NTRK3: variants seen among roughly 807,000 people sequenced by gnomAD.
The protein encoded by NTRK3 is neurotrophic receptor tyrosine kinase 3.
NTRK3 carries 24 observed loss-of-function variants against 91.7 expected under a neutral mutation model. The observed-to-expected ratio is 0.26, with a 90% CI of 0.19 to 0.37. The LOEUF is 0.37. Among genes scored for constraint, NTRK3 ranks in the 10% least tolerant of loss-of-function variants. The probability of loss-of-function intolerance (pLI) is 1.00; values close to 1 mark genes in which losing one functional copy is unlikely to be tolerated. For missense variants in NTRK3, 880 were observed against 1,068.9 expected (o/e 0.82, Z 2.46); for synonymous variants, 483 against 404.0 (o/e 1.20, Z -2.34).
In NTRK3 at chr15:88,033,210, A is replaced by ATATATATATATG. The variant is rs1301860999; in HGVS notation, c.1397-166_1397-165insCATATATATATA. Among the ~76,000 whole-genome samples the ATATATATATATG allele has an allele frequency of 7.3e-4, 88 of 121,294 alleles. 1 individual carries two copies. Among genetic ancestry groups the ATATATATATATG allele is most frequent in the African/African-American group, 2.8e-3 (81 of 28,588 alleles). The allele number at this position is 121,294 out of a possible 152,430, so 79.6% of individuals were successfully genotyped here. ...TATATATATATATATATATATATATATATATAAATTCAGTTGTTTGGGTTT... is the reference window on the plus strand; with the variant it reads ...TATATATATATATATATATATATATATATATATATATGTATATAAATTCAGTTGTTTGGGTTT... On this transcript the variant is annotated intron_variant, in intron 13 of 18. Coordinates refer to ENST00000394480, the Ensembl canonical transcript of NTRK3.
At chr15:87,963,558 G>C (rs1028420659) in intron 14 of NTRK3, among the ~76,000 whole-genome samples, 1 of 152,190 alleles carries the variant, frequency 6.6e-6, no homozygotes, top group African/African-American at 2.4e-5. Flanking sequence ...AATTACATGA[G>C]ATATTCAGTA....
intron 13 of NTRK3, among the ~76,000 whole-genome samples, chr15:88,056,673 G>A (rs990635869): frequency 1.3e-5 from 2 of 152,232 alleles, no homozygotes; most frequent in Non-Finnish European, 2.9e-5. Context: ...GCCTTAGCAT[G>A]GTTCCGCATG....
intron 13 of NTRK3, among the ~76,000 whole-genome samples, chr15:88,044,553 G>A (rs1038593866): frequency 1.2e-4 from 18 of 151,038 alleles, no homozygotes; most frequent in South Asian, 8.4e-4. Context: ...GAGCCACCAC[G>A]CCTGGCCCAC....
At chr15:87,969,786 G>A (rs1404742072) in intron 14 of NTRK3, among the ~76,000 whole-genome samples, 1 of 152,128 alleles carries the variant, frequency 6.6e-6, no homozygotes, top group African/African-American at 2.4e-5. Context: ...AGGCAGAGCT[G>A]CCTTCTTGAG....
chr15:88,250,337 T>C (rs557844518), intron 3 of NTRK3, among the ~76,000 whole-genome samples: 2 of 152,364 alleles, frequency 1.3e-5, no homozygotes, highest in South Asian at 4.1e-4. Context: ...TATTTTGTTT[T>C]CTTGATCTGT....
chr15:88,110,751 G>A (rs1179617925), intron 13 of NTRK3, among the ~76,000 whole-genome samples: 6 of 152,160 alleles, frequency 3.9e-5, no homozygotes, highest in Admixed American at 6.5e-5. Context: ...CCTATAGCTC[G>A]GTGAGACTGG....
rs76739299 is a variant in NTRK3 at position 87,918,679 on chromosome 15, G to A, written c.2133+10512C>T. 5.5e-3 allele frequency among the ~76,000 whole-genome samples: 845 copies of A among 152,262 alleles called. 9 individuals carry two copies. Among genetic ancestry groups the A allele is most frequent in the African/African-American group, 0.02 (815 of 41,548 alleles). ...TTATCTGTTCTTATATTCCCTATGA[G>A]ATTTTTATTTCCTTGTGTTCTATTC... On this transcript the variant is annotated intron_variant, in intron 17 of 18. Coordinates refer to ENST00000394480, the Ensembl canonical transcript of NTRK3.
intron 17 of NTRK3, among the ~76,000 whole-genome samples, chr15:87,918,043 C>T (rs115415586): frequency 0.01 from 1,545 of 152,032 alleles, 30 homozygotes; most frequent in African/African-American, 0.035. Context: ...ATAGTTGCCC[C>T]TTACAAACTG....
At chr15:88,026,445 C>T (rs1431890503) in intron 14 of NTRK3, among the ~76,000 whole-genome samples, 2 of 152,066 alleles carry the variant, frequency 1.3e-5, no homozygotes, top group Admixed American at 6.5e-5. Context: ...ACTATAGAGA[C>T]AGTAGAAAGA....
chr15:88,105,679 T>C (rs1213393271), intron 13 of NTRK3, among the ~76,000 whole-genome samples: 1 of 152,002 alleles, frequency 6.6e-6, no homozygotes, highest in Non-Finnish European at 1.5e-5. Context: ...AAAGGAAAGG[T>C]ACCTCATGAG....
At chr15:88,118,011 A>T (rs993351016) in intron 13 of NTRK3, among the ~76,000 whole-genome samples, 1 of 152,220 alleles carries the variant, frequency 6.6e-6, no homozygotes, top group Admixed American at 6.5e-5. Flanking sequence ...CTCCATGAGG[A>T]ACCACAGCAC....
At chr15:88,062,127 G>T (rs2046277027) in intron 13 of NTRK3, among the ~76,000 whole-genome samples, 1 of 152,218 alleles carries the variant, frequency 6.6e-6, no homozygotes. Context: ...GGGAGGATGT[G>T]TGTAGGTTAT....
chr15:87,984,472 T>C lies in NTRK3; in HGVS notation c.1586-43719A>G, dbSNP rs562827679. Among the ~76,000 whole-genome samples the C allele has an allele frequency of 2.0e-5, 3 of 152,326 alleles. No homozygotes were observed. In the South Asian group the frequency reaches 6.2e-4, roughly 32 times the overall value. On this transcript the variant is annotated intron_variant, in intron 14 of 18. Transcript: ENST00000394480. Reference sequence around the variant, plus strand: ...TTTTTTGAGTCTAAGTTCTTTCTTCTCATGCCATCGGATTCAATAAAAGGA... The same window carrying C: ...TTTTTTGAGTCTAAGTTCTTTCTTCCCATGCCATCGGATTCAATAAAAGGA...
At chr15:88,104,366 T>C (rs906116831) in intron 13 of NTRK3, among the ~76,000 whole-genome samples, 13 of 152,250 alleles carry the variant, frequency 8.5e-5, no homozygotes, top group Non-Finnish European at 1.5e-4. Context: ...AAGATGCACA[T>C]TTCCTTAGAA....
At chr15:87,942,861 T>C (rs1253220856) in intron 14 of NTRK3, among the ~76,000 whole-genome samples, 2 of 152,180 alleles carry the variant, frequency 1.3e-5, no homozygotes, top group Admixed American at 6.5e-5. Flanking sequence ...TTCATTATTA[T>C]TGATATTATT....
chr15:88,242,112 C>T (rs905694387), intron 3 of NTRK3, among the ~76,000 whole-genome samples: 8 of 152,212 alleles, frequency 5.3e-5, no homozygotes, highest in Admixed American at 2.0e-4. Context: ...CACACTGATG[C>T]GTGGCTTTCC....
chr15:88,023,349 C>G (rs1180965655), intron 14 of NTRK3, among the ~76,000 whole-genome samples: 1 of 152,126 alleles, frequency 6.6e-6, no homozygotes, highest in Non-Finnish European at 1.5e-5. Context: ...CCAAACCTAG[C>G]ATCACAGAAT....
chr15:88,124,717 T>C (rs3784410), intron 13 of NTRK3, among the ~76,000 whole-genome samples: 94,949 of 152,076 alleles, frequency 0.62, 30,644 homozygotes, highest in African/African-American at 0.8. Context: ...CTAGAAAGCC[T>C]TGTTTGGCAT....
intron 14 of NTRK3, among the ~76,000 whole-genome samples, chr15:87,969,368 C>T (rs889386352): frequency 6.6e-6 from 1 of 152,072 alleles, no homozygotes; most frequent in African/African-American, 2.4e-5. Context: ...CCAGAAATTG[C>T]GTCCCCCAAC....
Sources: allele counts gnomAD v4.1 joint callset (sites outside exome capture counted in the v4.1 genomes callset), GRCh38; gene constraint gnomAD v4.1.1; transcripts MANE v1.5; gene names NCBI Gene and HGNC (gene_info 2026-07-23, HGNC 2026-07-21).